AP1G1: variants seen among roughly 807,000 people sequenced by gnomAD.
The protein encoded by AP1G1 is AP-1 complex subunit gamma-1.
Under a neutral mutation model 108.3 loss-of-function variants are expected in AP1G1, and 7 were observed. The observed-to-expected ratio is 0.06, with a 90% CI of 0.04 to 0.12. AP1G1 has a LOEUF of 0.12. Ranked by LOEUF, AP1G1 falls within the 10% of genes least tolerant of loss-of-function variation. AP1G1 has a pLI of 1.00. For missense variants in AP1G1, 756 were observed against 1,010.7 expected (o/e 0.75, Z 3.42); for synonymous variants, 379 against 353.5 (o/e 1.07, Z -0.81).
chr16:71,738,074 G>A (rs2045572042), intron 21 of AP1G1, among the ~76,000 whole-genome samples: 1 of 152,138 alleles, frequency 6.6e-6, no homozygotes. Flanking sequence ...TTGAGATGGA[G>A]TCTCGCTCTG....
chr16:71,782,438 A>G (rs940487758), intron 2 of AP1G1, among the ~76,000 whole-genome samples: 1 of 151,900 alleles, frequency 6.6e-6, no homozygotes, highest in Non-Finnish European at 1.5e-5. Flanking sequence ...GACTGAGATT[A>G]CAAGTTTAGT....
At chr16:71,770,946 A>C (rs1414799598) in intron 5 of AP1G1, among the ~76,000 whole-genome samples, 1 of 152,200 alleles carries the variant, frequency 6.6e-6, no homozygotes, top group African/African-American at 2.4e-5. Context: ...GATGAAAGAT[A>C]AGTTTACTAT....
Position 71,773,015 on chromosome 16 carries a change from G to C in AP1G1, c.468+206C>G, listed in dbSNP as rs558737597. Reference sequence around the variant, plus strand: ...CTTAGGAATTTGGTATGCCACCTAGGATATATCCAGTAACATTTGTTTGTT... The same window carrying C: ...CTTAGGAATTTGGTATGCCACCTAGCATATATCCAGTAACATTTGTTTGTT... On this transcript the variant is annotated intron_variant, in intron 4 of 22. Transcript: ENST00000299980. The C allele has an allele frequency of 4.4e-6, 3 of 676,646 alleles. No homozygotes were observed. In the South Asian group the frequency reaches 4.6e-5, roughly 10 times the overall value. The allele number at this position is 676,646 out of a possible 1,614,324, so 41.9% of individuals were successfully genotyped here. A position where few individuals can be genotyped will look rare whatever the true frequency, so the allele number is the denominator to read the frequency against.
At chr16:71,739,362 GA>G in intron 19 of AP1G1, 21 bp from the exon 20 acceptor site, 1 of 1,551,254 alleles carries the variant, frequency 6.4e-7, no homozygotes, top group African/African-American at 1.4e-5. Flanking sequence ...TATTTTAATG[GA>G]AAGTTAACCT....
At chr16:71,744,995 C>G in intron 19 of AP1G1, 149 bp downstream of exon 19, 1 of 813,832 alleles carries the variant, frequency 1.2e-6, no homozygotes, top group Non-Finnish European at 1.9e-6. Context: ...CAACATATAA[C>G]CCGGATATTG....
Position 71,761,543 on chromosome 16 carries a change from G to T in AP1G1, c.943C>A (p.Arg315Ser). Reference sequence around the variant, plus strand: ...TTCTTGTCATTGTTCAATAAGAAACGACCCAGGATATTTATGGCTAGGACC... The same window carrying T: ...TTCTTGTCATTGTTCAATAAGAAACTACCCAGGATATTTATGGCTAGGACC... ...LRVLAINILG[R>S]FLLNNDKNIR... Residue 315 changes from arginine (R) to serine (S), a missense_variant, in exon 10 of 23, where the codon CGT (arginine) becomes AGT (serine). Coordinates refer to ENST00000299980, the MANE Select transcript of AP1G1 (RefSeq NM_001128.6). The T allele has an allele frequency of 2.5e-6, 4 of 1,607,196 alleles. No homozygotes were observed. In the South Asian group the frequency reaches 4.4e-5, roughly 18 times the overall value.
rs543136921 is a variant in AP1G1 at position 71,745,152 on chromosome 16, T to G, written c.1991A>C (p.Asn664Thr). ...GELLDLLGDINLTGAPAAAPA... is the reference protein window; with the variant it reads ...GELLDLLGDITLTGAPAAAPA... ...GCTCCAGACTGCCTCACCTGTAAGG[T>G]TGATGTCTCCCAGCAAATCAAGAAG... The change falls in exon 19 of 23, where the codon AAC (asparagine) becomes ACC (threonine). Residue 664 changes from asparagine (N) to threonine (T), a missense_variant. Asn to Thr is a moderately conservative substitution (Grantham distance 65). Around this residue, in one of 3 missense-constraint regions of AP1G1, gnomAD observed 357 missense variants for 366.5 expected, o/e 0.97. Coordinates refer to ENST00000299980, the MANE Select transcript of AP1G1 (RefSeq NM_001128.6). 5 of 1,614,130 alleles carry G rather than the reference T, an allele frequency of 3.1e-6. No homozygotes were observed. In the South Asian group the frequency reaches 4.4e-5, roughly 14 times the overall value.
intron 2 of AP1G1, among the ~76,000 whole-genome samples, chr16:71,779,579 G>C (rs2031925177): frequency 6.6e-6 from 1 of 152,004 alleles, no homozygotes; most frequent in Non-Finnish European, 1.5e-5. Flanking sequence ...GGCTTCAAGT[G>C]ATCTGCCCAC....
chr16:71,778,216 C>T (rs2031864133), intron 2 of AP1G1, among the ~76,000 whole-genome samples: 1 of 152,132 alleles, frequency 6.6e-6, no homozygotes, highest in African/African-American at 2.4e-5. Context: ...AGTGACTCTG[C>T]TTCAAAAACA....
At chr16:71,768,903 G>A (rs1245850707) in intron 6 of AP1G1, among the ~76,000 whole-genome samples, 2 of 95,434 alleles carry the variant, frequency 2.1e-5, no homozygotes, top group African/African-American at 8.5e-5. Context: ...GGGCGACAGA[G>A]CAAGACTCTG....
intron 2 of AP1G1, among the ~76,000 whole-genome samples, chr16:71,777,106 CAAAAAAAAAA>C (rs57955419): frequency 5.4e-4 from 26 of 48,062 alleles, no homozygotes; most frequent in African/African-American, 1.7e-3. Context: ...CAAACTGTTA[CAAAAAAAAAA>C]AAAAAAAAAA....
Position 71,734,692 on chromosome 16 carries a change from G to T in AP1G1, c.2284C>A (p.Leu762Ile). ...ACAATGCTGCTGCTAGGAGACAAGA[G>T]CTGCAGCTGGAATGTCTAGGGGGGA... ...AAVPKTFQLQ[L>I]LSPSSSIVPA... The change falls in exon 22 of 23, where the codon CTC (leucine) becomes ATC (isoleucine). Residue 762 changes from leucine to isoleucine, a missense_variant. This residue lies in a region of AP1G1 where 95 missense variants were observed against 160.5 expected (regional missense o/e 0.59). Transcript: ENST00000299980. 6.2e-7 allele frequency: 1 copy of T among 1,613,872 alleles called. No homozygotes were observed. The highest frequency in any genetic ancestry group is 8.5e-7 in the Non-Finnish European group (1 of 1,179,786).
Position 71,794,208 on chromosome 16 carries a change from T to C in AP1G1, c.-3-4726A>G, listed in dbSNP as rs912036680. Among the ~76,000 whole-genome samples, 4 of 152,224 alleles carry C rather than the reference T, an allele frequency of 2.6e-5. No individual in the cohort carries two copies. In the South Asian group the frequency reaches 6.2e-4, roughly 24 times the overall value. On this transcript the variant is annotated intron_variant, in intron 1 of 22. Coordinates refer to ENST00000299980, the MANE Select transcript of AP1G1 (RefSeq NM_001128.6). ...TTTAACTACCTGACCCATCAAAGAC[T>C]GAGAAAGGTATGTTAAAGTCTACCA...
chr16:71,748,302 T>A lies in AP1G1; in HGVS notation c.1574A>T (p.Tyr525Phe). Residue 525 changes from tyrosine to phenylalanine, a missense_variant, in exon 16 of 23, where the codon TAT becomes TTT. Around this residue, in one of 3 missense-constraint regions of AP1G1, gnomAD observed 357 missense variants for 366.5 expected, o/e 0.97. Transcript: ENST00000299980. ...AAGCTTCATAATGGCAGTGAGGGCA[T>A]AACCTCGTGTCACAGAGGTGGACAT... ...SNMSTSVTRG[Y>F]ALTAIMKLST... 6.2e-7 allele frequency: 1 copy of A among 1,614,034 alleles called. No homozygotes were observed. Among genetic ancestry groups the A allele is most frequent in the Non-Finnish European group, 8.5e-7 (1 of 1,179,884 alleles).
At chr16:71,734,455 T>C in intron 22 of AP1G1, 154 bp downstream of exon 22, 1 of 644,530 alleles carries the variant, frequency 1.6e-6, no homozygotes, top group Non-Finnish European at 2.7e-6. Context: ...TTCCATTTGT[T>C]ATTTACAAAA....
intron 13 of AP1G1, 149 bp from the exon 14 acceptor site, chr16:71,750,481 C>G (rs888930527): frequency 2.4e-6 from 2 of 841,566 alleles, no homozygotes; most frequent in African/African-American, 3.4e-5. Context: ...ATAGCGCGAT[C>G]TTGGCTCACT....
intron 17 of AP1G1, 41 bp from the exon 18 acceptor site, chr16:71,745,655 T>G (rs2030134396): frequency 2.6e-6 from 4 of 1,548,328 alleles, no homozygotes; most frequent in Middle Eastern, 1.7e-4. Context: ...GCAGTTAACC[T>G]AGATTCCCTA....
chr16:71,781,927 G>C (rs1243737293), intron 2 of AP1G1, among the ~76,000 whole-genome samples: 1 of 152,144 alleles, frequency 6.6e-6, no homozygotes. Context: ...GCACCACTTA[G>C]AGCCAGTGGT....
intron 1 of AP1G1, chr16:71,808,211 T>C (rs202164015): frequency 4.4e-5 from 13 of 294,914 alleles, no homozygotes; most frequent in Non-Finnish European, 5.7e-5. Flanking sequence ...CAACAACATA[T>C]ACACACACAC....
Sources: gnomAD v4.1 joint callset for allele counts (sites outside exome capture counted in the v4.1 genomes callset) on GRCh38, gnomAD v4.1.1 for gene constraint, gnomAD v4.1.1 regional missense constraint, MANE v1.5 for transcripts, NCBI Gene and HGNC (gene_info 2026-07-23, HGNC 2026-07-21) for gene names.